The following TTC28 variants were observed in gnomAD, a reference collection of about 807,000 sequenced individuals.
TTC28 encodes the protein tetratricopeptide repeat domain 28.
Under a neutral mutation model 198.0 loss-of-function variants are expected in TTC28, and 61 were observed. The observed-to-expected ratio is 0.31, with a 90% CI of 0.25 to 0.38. The LOEUF is 0.38. TTC28 is among the 10% of genes least tolerant of loss of function. TTC28 has a pLI of 1.00. For synonymous variants in TTC28, 1,171 were observed against 1,297.8 expected (o/e 0.90, Z 2.10); for missense variants, 2,678 against 3,164.0 (o/e 0.85, Z 3.69).
intron 1 of TTC28, among the ~76,000 whole-genome samples, chr22:28,661,615 GTTTTT>G (rs1048035798): frequency 1.4e-5 from 2 of 143,842 alleles, no homozygotes; most frequent in Admixed American, 1.4e-4. Context: ...AGATAGTTTT[GTTTTT>G]TTTTTTGAGA....
intron 13 of TTC28, among the ~76,000 whole-genome samples, chr22:28,019,680 C>T (rs763277478): frequency 2.6e-5 from 4 of 152,210 alleles, no homozygotes; most frequent in Admixed American, 6.5e-5. Flanking sequence ...CACAGAGGGC[C>T]GGGGGCTCCT....
chr22:28,284,497 A>C (rs2044643332), intron 5 of TTC28, among the ~76,000 whole-genome samples: 1 of 152,220 alleles, frequency 6.6e-6, no homozygotes, highest in Admixed American at 6.5e-5. Context: ...CATAGATAAC[A>C]AAAGAACAAA....
At chr22:28,205,771 G>A (rs182620753) in intron 5 of TTC28, among the ~76,000 whole-genome samples, 21 of 152,070 alleles carry the variant, frequency 1.4e-4, no homozygotes, top group Admixed American at 5.2e-4. Context: ...TCCTTTCCCC[G>A]TCCATGAATT....
At chr22:28,184,301 T>C (rs1253727922) in intron 5 of TTC28, among the ~76,000 whole-genome samples, 2 of 152,248 alleles carry the variant, frequency 1.3e-5, no homozygotes, top group South Asian at 2.1e-4. Context: ...TTAATCTGTT[T>C]TGTATATTTG....
chr22:28,479,284 C>G (rs548415972), intron 2 of TTC28, among the ~76,000 whole-genome samples: 2 of 152,254 alleles, frequency 1.3e-5, no homozygotes, highest in African/African-American at 4.8e-5. Flanking sequence ...AAGGAGGGGG[C>G]CACTTTGGAT....
chr22:28,328,756 AAATAATAATAATAATAATAAT>A (rs199948599), intron 2 of TTC28, among the ~76,000 whole-genome samples: 1,885 of 134,392 alleles, frequency 0.014, 55 homozygotes, highest in African/African-American at 0.048. Flanking sequence ...TCTGTCTCAA[AAATAATAATAATAATAATAAT>A]AATAATAATA....
chr22:28,155,475 T>C (rs559591535), intron 6 of TTC28, among the ~76,000 whole-genome samples: 2 of 152,354 alleles, frequency 1.3e-5, no homozygotes, highest in East Asian at 3.9e-4. Context: ...CTATAATTTA[T>C]GTTCAAATAT....
At chr22:27,988,118 C>G (rs1261538600) in intron 21 of TTC28, among the ~76,000 whole-genome samples, 1 of 152,032 alleles carries the variant, frequency 6.6e-6, no homozygotes, top group Non-Finnish European at 1.5e-5. Flanking sequence ...GCTTCTAATC[C>G]AAGGGGATTC....
chr22:28,016,223 G>A (rs1223742068), intron 13 of TTC28, among the ~76,000 whole-genome samples: 3 of 152,192 alleles, frequency 2.0e-5, no homozygotes, highest in Non-Finnish European at 4.4e-5. Flanking sequence ...GAGGGCTGCA[G>A]CATGTCTTTG....
chr22:28,499,695 T>C (rs2048509449), intron 2 of TTC28, among the ~76,000 whole-genome samples: 1 of 152,222 alleles, frequency 6.6e-6, no homozygotes, highest in Non-Finnish European at 1.5e-5. Flanking sequence ...AAATATAGTA[T>C]GAAGATAGCA....
chr22:27,993,147 A>T, intron 18 of TTC28, 140 bp downstream of exon 18: 2 of 732,134 alleles, frequency 2.7e-6, no homozygotes, highest in Non-Finnish European at 4.3e-6. Flanking sequence ...TGTATCTGGG[A>T]CCCCCTGCCA....
At chr22:28,146,302 G>A (rs559297915) in intron 6 of TTC28, among the ~76,000 whole-genome samples, 1 of 152,318 alleles carries the variant, frequency 6.6e-6, no homozygotes, top group South Asian at 2.1e-4. Flanking sequence ...AGAGCCACAG[G>A]GGAGAACGAT....
chr22:28,000,980 C>T (rs1937660395), intron 15 of TTC28: 2 of 172,912 alleles, frequency 1.2e-5, no homozygotes, highest in Non-Finnish European at 1.3e-5. Flanking sequence ...CAGCAGTCAG[C>T]TCAAGGGCCA....
At chr22:28,423,758 T>G (rs998891972) in intron 2 of TTC28, among the ~76,000 whole-genome samples, 1 of 152,084 alleles carries the variant, frequency 6.6e-6, no homozygotes. Context: ...CAGGCAGAAG[T>G]TGGATTACAC....
intron 2 of TTC28, among the ~76,000 whole-genome samples, chr22:28,460,319 T>C (rs767078724): frequency 1.1e-4 from 16 of 152,134 alleles, no homozygotes; most frequent in Non-Finnish European, 1.9e-4. Flanking sequence ...AGTTAAAATA[T>C]ATTGTGGTAA....
At position 28,165,347 on chromosome 22, in the gene TTC28, G is replaced by A. The variant is rs531466452; in HGVS notation, c.934-1748C>T. ...AGAGAACACCACAAAGATACTCCTC[G>A]AGAAGAGCAACGCCAAGACACATAA... On this transcript the variant is annotated intron_variant, in intron 5 of 22. Coordinates refer to ENST00000397906, the MANE Select transcript of TTC28 (RefSeq NM_001145418.2). 2.4e-3 allele frequency among the ~76,000 whole-genome samples: 358 copies of A among 152,192 alleles called. 3 individuals carry two copies. The highest frequency in any genetic ancestry group is 8.4e-3 in the African/African-American group (348 of 41,518).
chr22:28,450,678 A>C (rs1222691946), intron 2 of TTC28, among the ~76,000 whole-genome samples: 1 of 152,202 alleles, frequency 6.6e-6, no homozygotes, highest in African/African-American at 2.4e-5. Flanking sequence ...GCAAAGTACC[A>C]GAAATAATGC....
chr22:28,079,841 A>C (rs1023156587), intron 12 of TTC28, among the ~76,000 whole-genome samples: 1 of 151,944 alleles, frequency 6.6e-6, no homozygotes, highest in Admixed American at 6.6e-5. Context: ...TGATTCCCCT[A>C]CCTCAGCCTC....
chr22:28,456,160 G>GAA (rs777082418), intron 2 of TTC28, among the ~76,000 whole-genome samples: 30 of 106,366 alleles, frequency 2.8e-4, no homozygotes, highest in Admixed American at 3.9e-4. Context: ...CTCTGTCTCA[G>GAA]AAAAAAAAAA....
Sources: gnomAD v4.1 joint callset for allele counts (sites outside exome capture counted in the v4.1 genomes callset) on GRCh38, gnomAD v4.1.1 for gene constraint, MANE v1.5 for transcripts, NCBI Gene and HGNC (gene_info 2026-07-23, HGNC 2026-07-21) for gene names.